Variants in ZHX3 observed in about 807,000 individuals in gnomAD.
ZHX3 encodes zinc fingers and homeoboxes protein 3.
Under a neutral mutation model 64.5 loss-of-function variants are expected in ZHX3, and 20 were observed. The observed-to-expected ratio is 0.31, with a 90% CI of 0.22 to 0.45. The LOEUF is 0.45. ZHX3 is among the 20% of genes least tolerant of loss of function. The probability of loss-of-function intolerance (pLI) is 1.00; values close to 1 mark genes in which losing one functional copy is unlikely to be tolerated. For missense variants in ZHX3, 1,041 were observed against 1,195.8 expected (o/e 0.87, Z 1.91); for synonymous variants, 423 against 461.6 (o/e 0.92, Z 1.07).
intron 2 of ZHX3, among the ~76,000 whole-genome samples, chr20:41,240,021 G>A (rs115372064): frequency 0.014 from 2,061 of 151,664 alleles, 21 homozygotes; most frequent in Admixed American, 0.033. Context: ...TTTTGAGACA[G>A]TCTCTTGCTC....
chr20:41,227,086 T>C lies in ZHX3; in HGVS notation c.-150-22020A>G, dbSNP rs577250211. On this transcript the variant is annotated intron_variant, in intron 2 of 3. Coordinates refer to ENST00000683867, the MANE Select transcript of ZHX3 (RefSeq NM_001384317.1). The stretch of plus-strand genomic sequence containing the variant: ...TACAGCCAGGATATTTCTCTGCAAA[T>C]CCCCTTCCAATCTTATGCTGCCCAA... Among the ~76,000 whole-genome samples the C allele has an allele frequency of 1.2e-4, 19 of 152,310 alleles. 1 individual carries two copies. Among genetic ancestry groups the C allele is most frequent in the African/African-American group, 4.6e-4 (19 of 41,560 alleles).
rs1180483018 is a variant in ZHX3 at position 41,201,693 on chromosome 20, A to G, written c.2860+364T>C. On this transcript the variant is annotated intron_variant, in intron 3 of 3. Coordinates refer to ENST00000683867, the MANE Select transcript of ZHX3 (RefSeq NM_001384317.1). This position sits in a 1 kb window ranked among gnomAD's most constrained non-coding sequence, Gnocchi z 5.0. ...ATCAATTTGAGCTGAATTTCAACTC[A>G]TGTCCTGTTGCTGTCTCCTACCCAG... Among the ~76,000 whole-genome samples, 1 of 152,186 alleles carries G rather than the reference A, an allele frequency of 6.6e-6. No homozygotes were observed. The highest frequency in any genetic ancestry group is 2.4e-5 in the African/African-American group (1 of 41,446).
chr20:41,213,981 G>A (rs2039342629), intron 2 of ZHX3: 1 of 152,168 alleles, frequency 6.6e-6, no homozygotes, highest in Non-Finnish European at 1.5e-5. Flanking sequence ...AGGCTGAGGT[G>A]GGAGGATCAC....
chr20:41,269,712 A>T (rs530431554), intron 1 of ZHX3, among the ~76,000 whole-genome samples: 2 of 152,298 alleles, frequency 1.3e-5, no homozygotes, highest in African/African-American at 4.8e-5. Context: ...TTCTTGAAGA[A>T]TTATCTTTGA....
chr20:41,229,075 T>G (rs921517290), intron 2 of ZHX3, among the ~76,000 whole-genome samples: 6 of 152,198 alleles, frequency 3.9e-5, no homozygotes, highest in African/African-American at 1.4e-4. Flanking sequence ...TCCCATTTCC[T>G]GCCCACCCCT....
rs113454971 is a variant in ZHX3 at position 41,224,107 on chromosome 20, G to C, written c.-150-19041C>G. Among the ~76,000 whole-genome samples, 2 of 152,064 alleles carry C rather than the reference G, an allele frequency of 1.3e-5. No individual in the cohort carries two copies. Among genetic ancestry groups the C allele is most frequent in the South Asian group, 4.2e-4 (2 of 4,812 alleles). On this transcript the variant is annotated intron_variant, in intron 2 of 3. Transcript: ENST00000683867. The surrounding 1 kb of genome is among the most constrained non-coding windows in gnomAD (Gnocchi z 5.2). ...CAAAACAAAAAAAATACCCAAAATG[G>C]AGGAGTGGGACAATATATGCAGTCC...
intron 3 of ZHX3, among the ~76,000 whole-genome samples, chr20:41,189,959 T>TTTA (rs35223985): frequency 0.58 from 87,781 of 151,476 alleles, 26,717 homozygotes; most frequent in East Asian, 0.82. Flanking sequence ...TAGCTGTGGG[T>TTTA]TTATTTATGG....
intron 1 of ZHX3, among the ~76,000 whole-genome samples, chr20:41,273,213 T>C (rs985123434): frequency 2.6e-5 from 4 of 152,196 alleles, no homozygotes; most frequent in Non-Finnish European, 5.9e-5. Context: ...CTTGCCCATA[T>C]TTTAATTGGG....
chr20:41,196,011 G>A (rs966663893), intron 3 of ZHX3, among the ~76,000 whole-genome samples: 5 of 151,484 alleles, frequency 3.3e-5, no homozygotes, highest in African/African-American at 4.9e-5. Context: ...CTTAACATAC[G>A]GTTTATCCTG....
rs1600799470 is a variant in ZHX3 at position 41,213,404 on chromosome 20, T to C, written c.-150-8338A>G. Among the ~76,000 whole-genome samples, 3 of 152,112 alleles carry C rather than the reference T, an allele frequency of 2.0e-5. No homozygotes were observed. In the East Asian group the frequency reaches 5.9e-4, roughly 30 times the overall value. ...CATTTACATTTCTAAGGTTTCAATA[T>C]AGGTGACACAGTTCTGTGCTACTTC... On this transcript the variant is annotated intron_variant, in intron 2 of 3. Transcript: ENST00000683867.
chr20:41,208,643 C>G (rs926860750), intron 2 of ZHX3, among the ~76,000 whole-genome samples: 10 of 152,194 alleles, frequency 6.6e-5, no homozygotes, highest in African/African-American at 2.4e-4. Flanking sequence ...ATTCAACAGC[C>G]CTTCATGCTA....
At chr20:41,218,934 T>TG (rs2039746045) in intron 2 of ZHX3, among the ~76,000 whole-genome samples, 2 of 145,542 alleles carry the variant, frequency 1.4e-5, no homozygotes, top group African/African-American at 5.1e-5. Context: ...TTTTTTTTTT[T>TG]TTTTTTTTTT....
chr20:41,247,804 T>G (rs2041785015), intron 2 of ZHX3, among the ~76,000 whole-genome samples: 1 of 152,228 alleles, frequency 6.6e-6, no homozygotes, highest in Non-Finnish European at 1.5e-5. Flanking sequence ...AGTGATTCCC[T>G]GCAGGACAAA....
chr20:41,223,922 G>C (rs1051360818), intron 2 of ZHX3, among the ~76,000 whole-genome samples: 1 of 152,198 alleles, frequency 6.6e-6, no homozygotes, highest in Non-Finnish European at 1.5e-5. Flanking sequence ...AATAGCTACA[G>C]ATGAGCTTTT....
intron 3 of ZHX3, among the ~76,000 whole-genome samples, chr20:41,198,530 G>T: frequency 6.8e-6 from 1 of 147,932 alleles, no homozygotes; most frequent in African/African-American, 2.5e-5. Context: ...TCATCTCACT[G>T]CCTTTGGGCT....
At chr20:41,289,157 A>ATTTTT (rs200903396) in intron 1 of ZHX3, among the ~76,000 whole-genome samples, 3 of 149,918 alleles carry the variant, frequency 2.0e-5, no homozygotes, top group African/African-American at 2.5e-5. Flanking sequence ...TGTCCAGTTA[A>ATTTTT]TTTTTTTTTA....
chr20:41,207,281 G>C (rs1375001301), intron 2 of ZHX3, among the ~76,000 whole-genome samples: 1 of 152,082 alleles, frequency 6.6e-6, no homozygotes, highest in East Asian at 1.9e-4. Context: ...ATAATGACAG[G>C]ATCAAATTCA....
chr20:41,216,705 T>C (rs887218760), intron 2 of ZHX3, among the ~76,000 whole-genome samples: 6 of 152,194 alleles, frequency 3.9e-5, no homozygotes, highest in Admixed American at 1.3e-4. Flanking sequence ...TTTTTATACA[T>C]TTGAGAATTT....
intron 1 of ZHX3, among the ~76,000 whole-genome samples, chr20:41,273,133 A>G (rs534525880): frequency 1.3e-5 from 2 of 152,258 alleles, no homozygotes; most frequent in South Asian, 4.1e-4. Flanking sequence ...TTAATGACCA[A>G]TGACCCAGGA....
Sources: gnomAD v4.1 joint callset for allele counts (sites outside exome capture counted in the v4.1 genomes callset) on GRCh38, gnomAD v4.1.1 for gene constraint, Gnocchi (gnomAD v3.1) non-coding constraint, MANE v1.5 for transcripts, NCBI Gene and HGNC (gene_info 2026-07-23, HGNC 2026-07-21) for gene names.